Variants in ATF7 observed in about 807,000 individuals in gnomAD.
The protein encoded by ATF7 is activating transcription factor 7.
In ATF7, 10 loss-of-function variants were observed where a neutral mutation model predicts 50.4. The ratio of observed to expected loss-of-function variants is 0.20; its 90% CI spans 0.12 to 0.34. The LOEUF is 0.34. ATF7 is among the 10% of genes least tolerant of loss of function. The pLI is 1.00. For synonymous variants in ATF7, 201 were observed against 226.4 expected (o/e 0.89, Z 1.01); for missense variants, 465 against 613.9 (o/e 0.76, Z 2.56).
intron 3 of ATF7, chr12:53,543,758 C>T (rs1442731923): frequency 6.9e-6 from 2 of 290,518 alleles, no homozygotes; most frequent in Admixed American, 4.7e-5. Flanking sequence ...ACCAAACCAC[C>T]CACACAGGTG....
At chr12:53,597,557 C>T (rs1340182800) in intron 2 of ATF7, among the ~76,000 whole-genome samples, 1 of 152,114 alleles carries the variant, frequency 6.6e-6, no homozygotes, top group Non-Finnish European at 1.5e-5. Flanking sequence ...CGCCTGTAAT[C>T]CCAGCACTTT....
chr12:53,577,347 A>C (rs1239133584), intron 2 of ATF7, among the ~76,000 whole-genome samples: 1 of 152,184 alleles, frequency 6.6e-6, no homozygotes, highest in East Asian at 1.9e-4. Context: ...ACTAAAAAAA[A>C]AATAACAACA....
downstream of ATF7, among the ~76,000 whole-genome samples, chr12:53,511,766 A>G (rs1461264198): frequency 2.0e-5 from 3 of 152,184 alleles, no homozygotes; most frequent in Non-Finnish European, 1.5e-5. Flanking sequence ...TAAAGCACAT[A>G]CTAAGTTTCC....
chr12:53,606,498 T>A (rs1307860096), intron 1 of ATF7, among the ~76,000 whole-genome samples: 1 of 152,162 alleles, frequency 6.6e-6, no homozygotes, highest in Admixed American at 6.5e-5. Flanking sequence ...TCCACCCGCC[T>A]TGGTCTCCCA....
At chr12:53,550,061 G>A (rs142557606) in intron 3 of ATF7, among the ~76,000 whole-genome samples, 6,562 of 152,030 alleles carry the variant, frequency 0.043, 402 homozygotes, top group African/African-American at 0.13. Flanking sequence ...GGCGGCTCAC[G>A]CCTGTAATCC....
At chr12:53,588,683 C>G (rs1301538232) in intron 2 of ATF7, among the ~76,000 whole-genome samples, 3 of 152,206 alleles carry the variant, frequency 2.0e-5, no homozygotes, top group Non-Finnish European at 4.4e-5. Context: ...CAATGCTTCT[C>G]TGGGCCTATT....
At position 53,577,212 on chromosome 12, in the gene ATF7, C is replaced by T. The variant is rs532217200; in HGVS notation, c.48+23741G>A. On this transcript the variant is annotated intron_variant, in intron 2 of 11. Transcript: ENST00000420353. ...GAAATTGGAGGATGACTTGAGCCCA[C>T]GAGTTTGAGACCAGCCTAGGCAACA... 1.2e-4 allele frequency among the ~76,000 whole-genome samples: 18 copies of T among 151,968 alleles called. No individual in the cohort carries two copies. The South Asian group carries it at 3.3e-3, about 28-fold the overall frequency.
rs537289807 is a variant in ATF7, at chr12:53,617,143, C to T, written c.-22+9136G>A. ...GCTGAAGCAATCCTCCCGCTTCAGC[C>T]TCCCAAGTAGCTGGCGCTACAAACG... On this transcript the variant is annotated intron_variant, in intron 1 of 11. Transcript: ENST00000420353. 3.9e-5 allele frequency among the ~76,000 whole-genome samples: 6 copies of T among 152,164 alleles called. No individual in the cohort carries two copies. In the East Asian group the frequency reaches 1.2e-3, roughly 29 times the overall value.
At chr12:53,534,052 C>T (rs964251432) in intron 6 of ATF7, among the ~76,000 whole-genome samples, 45 of 152,192 alleles carry the variant, frequency 3.0e-4, no homozygotes, top group Non-Finnish European at 5.4e-4. Flanking sequence ...CAGAGGCAGG[C>T]GGATCACGAG....
intron 2 of ATF7, among the ~76,000 whole-genome samples, chr12:53,581,901 T>C (rs750151485): frequency 1.3e-5 from 2 of 151,822 alleles, no homozygotes; most frequent in African/African-American, 2.4e-5. Flanking sequence ...AGCAGGAGGA[T>C]TGCTTGAAGC....
At chr12:53,600,525 A>C (rs1943350358) in intron 2 of ATF7, among the ~76,000 whole-genome samples, 1 of 152,096 alleles carries the variant, frequency 6.6e-6, no homozygotes. Context: ...TTTTTAGTAG[A>C]GATGGGGTTT....
chr12:53,592,661 T>C (rs1346658233), intron 2 of ATF7, among the ~76,000 whole-genome samples: 2 of 152,228 alleles, frequency 1.3e-5, no homozygotes, highest in South Asian at 4.1e-4. Flanking sequence ...TATCTTATGA[T>C]AGCAAACAAA....
chr12:53,528,466 A>G (rs1938624912), intron 9 of ATF7, among the ~76,000 whole-genome samples: 1 of 151,752 alleles, frequency 6.6e-6, no homozygotes, highest in African/African-American at 2.4e-5. Context: ...CGTCTCTACT[A>G]AAATACAAAA....
intron 2 of ATF7, among the ~76,000 whole-genome samples, chr12:53,579,620 T>C (rs987201173): frequency 6.6e-6 from 1 of 151,748 alleles, no homozygotes; most frequent in Admixed American, 6.6e-5. Context: ...ACTGTCTCTA[T>C]GGTAGTGTCT....
At chr12:53,547,666 C>T (rs1007829107) in intron 3 of ATF7, among the ~76,000 whole-genome samples, 5 of 151,238 alleles carry the variant, frequency 3.3e-5, no homozygotes, top group African/African-American at 1.2e-4. Context: ...AAACCTTGAA[C>T]TCCTGGGCTC....
intron 9 of ATF7, among the ~76,000 whole-genome samples, chr12:53,528,897 G>T (rs1237570554): frequency 1.3e-5 from 2 of 152,108 alleles, no homozygotes; most frequent in African/African-American, 4.8e-5. Context: ...GAAAGACTAG[G>T]CCAAGAGAAA....
chr12:53,613,610 T>C (rs1370166828), intron 1 of ATF7, among the ~76,000 whole-genome samples: 3 of 152,056 alleles, frequency 2.0e-5, no homozygotes, highest in Non-Finnish European at 4.4e-5. Flanking sequence ...AACCTCTGTC[T>C]CCCTGGCTCA....
intron 2 of ATF7, among the ~76,000 whole-genome samples, chr12:53,566,650 CAGAG>C (rs1941459033): frequency 6.6e-6 from 1 of 152,174 alleles, no homozygotes; most frequent in South Asian, 2.1e-4. Flanking sequence ...AATGGTACAG[CAGAG>C]AGAAAGAACC....
intron 1 of ATF7, among the ~76,000 whole-genome samples, chr12:53,614,977 A>G (rs955772783): frequency 5.9e-5 from 9 of 151,690 alleles, no homozygotes; most frequent in Non-Finnish European, 1.3e-4. Context: ...CTACTCAGGA[A>G]GCTGAGGCAG....
Sources: gnomAD v4.1 joint callset for allele counts (sites outside exome capture counted in the v4.1 genomes callset) on GRCh38, gnomAD v4.1.1 for gene constraint, MANE v1.5 for transcripts, NCBI Gene and HGNC (gene_info 2026-07-23, HGNC 2026-07-21) for gene names.